COL5A1: variants seen among roughly 807,000 people sequenced by gnomAD.
COL5A1 encodes collagen type V alpha 1 chain, also known as collagen alpha-1(V) chain.
In COL5A1, 16 loss-of-function variants were observed where a neutral mutation model predicts 263.7. That is an observed-to-expected ratio of 0.06 (90% CI 0.04 to 0.09). COL5A1 has a LOEUF of 0.09. COL5A1 is among the 10% of genes least tolerant of loss of function. COL5A1 has a pLI of 1.00. For missense variants in COL5A1, 2,036 were observed against 2,540.5 expected (o/e 0.80, Z 4.27); for synonymous variants, 1,012 against 1,004.5 (o/e 1.01, Z -0.14).
At chr9:134,764,766 C>G (rs140199716) in intron 20 of COL5A1, among the ~76,000 whole-genome samples, 1 of 152,112 alleles carries the variant, frequency 6.6e-6, no homozygotes, top group South Asian at 2.1e-4. Flanking sequence ...TCTGATTAGC[C>G]TCTAAGGAGA....
At chr9:134,761,157 C>G (rs116616691) in intron 18 of COL5A1, among the ~76,000 whole-genome samples, 1 of 145,412 alleles carries the variant, frequency 6.9e-6, no homozygotes, top group Non-Finnish European at 1.5e-5. Context: ...GCCACGCACA[C>G]GCATACACAC....
intron 4 of COL5A1, among the ~76,000 whole-genome samples, chr9:134,723,900 C>T (rs1834554013): frequency 6.6e-6 from 1 of 152,204 alleles, no homozygotes; most frequent in South Asian, 2.1e-4. Context: ...GAGCTCCTCG[C>T]TCATCATTTG....
chr9:134,739,354 C>T (rs1278876589), intron 11 of COL5A1, among the ~76,000 whole-genome samples: 1 of 152,208 alleles, frequency 6.6e-6, no homozygotes, highest in African/African-American at 2.4e-5. Flanking sequence ...TGGTGTCCGG[C>T]GGGGCGGGAG....
At chr9:134,820,737 C>T (rs1198534194) in intron 58 of COL5A1, among the ~76,000 whole-genome samples, 1 of 152,194 alleles carries the variant, frequency 6.6e-6, no homozygotes, top group Non-Finnish European at 1.5e-5. Context: ...CTCTGTCCCA[C>T]AACTCTGAGT....
intron 30 of COL5A1, 23 bp downstream of exon 30, chr9:134,785,119 C>T: frequency 1.3e-6 from 2 of 1,587,612 alleles, no homozygotes; most frequent in Non-Finnish European, 1.7e-6. Flanking sequence ...GGACGTTCAG[C>T]CACTTTCTTG....
chr9:134,784,355 G>A (rs932970439), intron 29 of COL5A1, among the ~76,000 whole-genome samples: 4 of 152,216 alleles, frequency 2.6e-5, no homozygotes, highest in Admixed American at 1.3e-4. Context: ...AAAGAGTGCC[G>A]GGAAGGGCAT....
chr9:134,743,464 G>T (rs978260005), intron 11 of COL5A1, among the ~76,000 whole-genome samples: 1 of 152,154 alleles, frequency 6.6e-6, no homozygotes, highest in Non-Finnish European at 1.5e-5. Context: ...TCTGCTTCTG[G>T]GTCTGTGGGC....
intron 28 of COL5A1, among the ~76,000 whole-genome samples, chr9:134,781,802 G>T (rs527524999): frequency 2.0e-5 from 3 of 152,202 alleles, no homozygotes; most frequent in Admixed American, 1.3e-4. Flanking sequence ...TGGGAGCCCC[G>T]GGAGCTGGCG....
chr9:134,822,021 G>A lies in COL5A1; in HGVS notation c.4555-76G>A, dbSNP rs553981815. The stretch of plus-strand genomic sequence containing the variant: ...AGGGACAGGGGAGCCGAGGGGTGTG[G>A]CTGGGTAGCAGGGTTGCAGCCCCGC... On this transcript the variant is annotated intron_variant, in intron 58 of 65. Coordinates refer to ENST00000371817, the MANE Select transcript of COL5A1 (RefSeq NM_000093.5). 8.4e-5 allele frequency: 110 copies of A among 1,315,194 alleles called. No homozygotes were observed. In the Admixed American group the frequency reaches 1.4e-3, roughly 17 times the overall value. The allele number at this position is 1,315,194 out of a possible 1,614,324, so 81.5% of individuals were successfully genotyped here.
chr9:134,782,791 G>A (rs764542548), intron 29 of COL5A1, 71 bp downstream of exon 29: 45 of 1,201,884 alleles, frequency 3.7e-5, no homozygotes, highest in Non-Finnish European at 5.2e-5. Flanking sequence ...AGGGGGTGGG[G>A]ATGTTTGCCG....
At chr9:134,732,232 C>G (rs1351536002) in intron 9 of COL5A1, 105 bp downstream of exon 9, 1 of 1,193,978 alleles carries the variant, frequency 8.4e-7, no homozygotes, top group South Asian at 1.2e-5. Flanking sequence ...TGCACCTGCG[C>G]GCACTGGGTC....
At chr9:134,796,773 G>C in intron 35 of COL5A1, 75 bp from the exon 36 acceptor site, 1 of 1,376,688 alleles carries the variant, frequency 7.3e-7, no homozygotes, top group East Asian at 2.3e-5. Context: ...GAGAGCCACC[G>C]GCACAGGCAG....
In COL5A1 at chr9:134,758,820, G is replaced by A. The variant is rs1044918502; in HGVS notation, c.1935+524G>A. Among the ~76,000 whole-genome samples, 6 of 152,278 alleles carry A rather than the reference G, an allele frequency of 3.9e-5. No homozygotes were observed. Among genetic ancestry groups the A allele is most frequent in the African/African-American group, 1.4e-4 (6 of 41,546 alleles). On this transcript the variant is annotated intron_variant, in intron 18 of 65. Coordinates refer to ENST00000371817, the MANE Select transcript of COL5A1 (RefSeq NM_000093.5). The surrounding 1 kb of genome is among the most constrained non-coding windows in gnomAD (Gnocchi z 4.1). ...TGAAAGTGTGTCCCGTGAGTCCCGA[G>A]CTAGTGCGGTGACCTGGGGGTCTTC... is the stretch of plus-strand genomic sequence containing the variant.
At chr9:134,822,972 G>A in intron 59 of COL5A1, 26 bp from the exon 60 acceptor site, 2 of 1,613,954 alleles carry the variant, frequency 1.2e-6, no homozygotes, top group Non-Finnish European at 1.7e-6. Context: ...CCGGCTTGCT[G>A]ACGTTCTGCC....
chr9:134,823,155 C>A, intron 60 of COL5A1, 122 bp downstream of exon 60: 1 of 1,249,426 alleles, frequency 8.0e-7, no homozygotes, highest in East Asian at 2.5e-5. Context: ...GCTCACGATC[C>A]TCCCATCTTT....
chr9:134,783,647 A>G (rs1449656643), intron 29 of COL5A1, among the ~76,000 whole-genome samples: 1 of 152,136 alleles, frequency 6.6e-6, no homozygotes, highest in East Asian at 1.9e-4. Flanking sequence ...CCCCTGCAGC[A>G]CCGGCTCGCA....
At chr9:134,811,067 A>T (rs568100636) in intron 44 of COL5A1, among the ~76,000 whole-genome samples, 1 of 152,192 alleles carries the variant, frequency 6.6e-6, no homozygotes, top group African/African-American at 2.4e-5. Context: ...TTGTGGGTGC[A>T]TGATGGGAGC....
chr9:134,647,378 C>CGTGT lies in COL5A1; in HGVS notation c.109+5097_109+5100dup, dbSNP rs141774800. Among the ~76,000 whole-genome samples, 1 of 150,530 alleles carries CGTGT rather than the reference C, an allele frequency of 6.6e-6. No individual in the cohort carries two copies. The highest frequency in any genetic ancestry group is 3.5e-3 in the Middle Eastern group (1 of 288). On this transcript the variant is annotated intron_variant, in intron 1 of 65. Coordinates refer to ENST00000371817, the MANE Select transcript of COL5A1 (RefSeq NM_000093.5). The surrounding 1 kb of genome is among the most constrained non-coding windows in gnomAD (Gnocchi z 5.0). ...TTTGTGTGTATGTGTGTCATGTGTG[C>CGTGT]GTGTGTGTGTGTGTGTGTCAGGCCG...
intron 1 of COL5A1, among the ~76,000 whole-genome samples, chr9:134,659,787 A>C (rs1832145392): frequency 6.6e-6 from 1 of 152,116 alleles, no homozygotes; most frequent in Non-Finnish European, 1.5e-5. Flanking sequence ...CCTCGATGAG[A>C]TCTGCGGATT....
Sources: allele counts gnomAD v4.1 joint callset (sites outside exome capture counted in the v4.1 genomes callset), GRCh38; gene constraint gnomAD v4.1.1; non-coding constraint Gnocchi (gnomAD v3.1); transcripts MANE v1.5; gene names NCBI Gene and HGNC (gene_info 2026-07-23, HGNC 2026-07-21).